Variants in SPAG16 observed in about 807,000 individuals in gnomAD.
SPAG16 encodes the protein sperm associated antigen 16.
SPAG16 carries 86 observed loss-of-function variants against 80.4 expected under a neutral mutation model. The ratio of observed to expected loss-of-function variants is 1.07; its 90% CI spans 0.90 to 1.28. The LOEUF is 1.28. Ranked by LOEUF, SPAG16 falls within the 50% of genes most tolerant of loss-of-function variation. The pLI, the probability that SPAG16 is intolerant of heterozygous loss-of-function variation, is 0.00. For missense variants in SPAG16, 870 were observed against 765.3 expected (o/e 1.14, Z -1.61); for synonymous variants, 294 against 265.9 (o/e 1.11, Z -1.03).
At chr2:213,978,952 G>C (rs1001036215) in intron 12 of SPAG16, among the ~76,000 whole-genome samples, 1 of 151,730 alleles carries the variant, frequency 6.6e-6, no homozygotes, top group Non-Finnish European at 1.5e-5. Context: ...GGCTTTCCTC[G>C]GGAAGTAATA....
rs1399215815 is a variant in SPAG16 at position 213,380,847 on chromosome 2, T to A, written c.942+5728T>A. On this transcript the variant is annotated intron_variant, in intron 9 of 15. Transcript: ENST00000331683. Reference sequence around the variant, plus strand: ...GCAGCCTGGACCTGTTTCAGAGCGTTCTCCTGTTCTGGACCTCACTCAAAA... The same window carrying A: ...GCAGCCTGGACCTGTTTCAGAGCGTACTCCTGTTCTGGACCTCACTCAAAA... Among the ~76,000 whole-genome samples the A allele has an allele frequency of 2.0e-5, 3 of 152,094 alleles. No homozygotes were observed. The East Asian group carries it at 5.8e-4, about 29-fold the overall frequency.
At chr2:214,220,336 G>A (rs1192890523) in intron 15 of SPAG16, among the ~76,000 whole-genome samples, 3 of 152,058 alleles carry the variant, frequency 2.0e-5, no homozygotes, top group African/African-American at 7.2e-5. Flanking sequence ...ACTTGTTTTG[G>A]ACTTCTGATT....
At chr2:213,679,642 GTGA>G (rs904134922) in intron 10 of SPAG16, among the ~76,000 whole-genome samples, 1 of 152,112 alleles carries the variant, frequency 6.6e-6, no homozygotes, top group Non-Finnish European at 1.5e-5. Context: ...CATTTTGTCT[GTGA>G]TGAAAATATT....
chr2:213,380,584 A>G (rs1052620943), intron 9 of SPAG16, among the ~76,000 whole-genome samples: 19 of 152,226 alleles, frequency 1.2e-4, no homozygotes, highest in Non-Finnish European at 2.6e-4. Flanking sequence ...GTCAGAAAGC[A>G]TCCAGTTCAC....
intron 12 of SPAG16, among the ~76,000 whole-genome samples, chr2:213,981,000 A>G (rs2045719703): frequency 6.6e-6 from 1 of 152,054 alleles, no homozygotes; most frequent in African/African-American, 2.4e-5. Context: ...ACAAAATACT[A>G]CAAACTGAGT....
chr2:213,307,756 G>A (rs1380973076), intron 3 of SPAG16, among the ~76,000 whole-genome samples: 4 of 152,038 alleles, frequency 2.6e-5, no homozygotes, highest in Admixed American at 6.6e-5. Flanking sequence ...CTGAGGAATC[G>A]CCACACTGAC....
At chr2:213,804,634 G>A (rs1252923478) in intron 10 of SPAG16, among the ~76,000 whole-genome samples, 1 of 152,206 alleles carries the variant, frequency 6.6e-6, no homozygotes, top group Non-Finnish European at 1.5e-5. Flanking sequence ...AGTGAGCCGA[G>A]ATCGCGCCAC....
chr2:213,893,031 C>T (rs1235374591), intron 11 of SPAG16, among the ~76,000 whole-genome samples: 1 of 151,918 alleles, frequency 6.6e-6, no homozygotes, highest in Non-Finnish European at 1.5e-5. Flanking sequence ...TCTCAAAAGT[C>T]AAGGACCAAG....
intron 12 of SPAG16, among the ~76,000 whole-genome samples, chr2:213,982,887 T>C (rs1489843566): frequency 6.6e-6 from 1 of 151,990 alleles, no homozygotes. Context: ...TCATAAAATA[T>C]AGTTTAATAG....
At chr2:214,091,884 C>T (rs1459854239) in intron 13 of SPAG16, among the ~76,000 whole-genome samples, 3 of 152,056 alleles carry the variant, frequency 2.0e-5, no homozygotes, top group African/African-American at 7.2e-5. Context: ...ATTAATCCAA[C>T]TGTACCTCCA....
chr2:213,941,713 A>G (rs1359085205), intron 12 of SPAG16, among the ~76,000 whole-genome samples: 1 of 152,200 alleles, frequency 6.6e-6, no homozygotes, highest in African/African-American at 2.4e-5. Context: ...TCTTATAAGT[A>G]CATGCTTTGT....
chr2:213,624,674 A>G (rs1328892528), intron 10 of SPAG16, among the ~76,000 whole-genome samples: 1 of 152,208 alleles, frequency 6.6e-6, no homozygotes, highest in Non-Finnish European at 1.5e-5. Context: ...TTTGACCACA[A>G]TACCTTGATG....
At chr2:213,789,008 G>A (rs968117152) in intron 10 of SPAG16, among the ~76,000 whole-genome samples, 5 of 151,782 alleles carry the variant, frequency 3.3e-5, no homozygotes, top group African/African-American at 9.7e-5. Flanking sequence ...GAGTCTGAAC[G>A]TTTTTCCTGT....
intron 15 of SPAG16, among the ~76,000 whole-genome samples, chr2:214,152,878 T>C (rs2056044426): frequency 6.6e-6 from 1 of 152,108 alleles, no homozygotes; most frequent in Non-Finnish European, 1.5e-5. Context: ...TTTCTGCATA[T>C]CAGAGACTTT....
intron 9 of SPAG16, among the ~76,000 whole-genome samples, chr2:213,430,780 T>A (rs1287738118): frequency 6.6e-6 from 1 of 152,134 alleles, no homozygotes; most frequent in East Asian, 1.9e-4. Context: ...ATATACTCAT[T>A]GGAATGTCTA....
At chr2:213,444,699 T>G (rs948254327) in intron 9 of SPAG16, among the ~76,000 whole-genome samples, 2 of 152,012 alleles carry the variant, frequency 1.3e-5, no homozygotes, top group Admixed American at 1.3e-4. Context: ...AGCAATTTTT[T>G]AAAAAATAGA....
At chr2:213,530,776 T>G (rs909705344) in intron 10 of SPAG16, among the ~76,000 whole-genome samples, 4 of 152,158 alleles carry the variant, frequency 2.6e-5, no homozygotes, top group African/African-American at 9.6e-5. Context: ...TCCTGTTAGT[T>G]GGATTTAAGG....
rs999520860 is a variant in SPAG16, at chr2:213,874,282, C to T, written c.1214+11654C>T. ...TCAATAATAAATCAACCTTAGCTTA[C>T]GTAACCTTTTACTTTATAAACTATT... On this transcript the variant is annotated intron_variant, in intron 11 of 15. Transcript: ENST00000331683. Among the ~76,000 whole-genome samples the T allele has an allele frequency of 1.4e-4, 22 of 152,192 alleles. 1 individual carries two copies. Among genetic ancestry groups the T allele is most frequent in the South Asian group, 4.1e-4 (2 of 4,826 alleles).
intron 15 of SPAG16, among the ~76,000 whole-genome samples, chr2:214,337,517 C>T (rs180789273): frequency 3.9e-5 from 6 of 152,298 alleles, no homozygotes; most frequent in African/African-American, 9.6e-5. Flanking sequence ...TTCAAATTAA[C>T]TTAGGAGTAC....
Sources: allele counts gnomAD v4.1 joint callset (sites outside exome capture counted in the v4.1 genomes callset), GRCh38; gene constraint gnomAD v4.1.1; transcripts MANE v1.5; gene names NCBI Gene and HGNC (gene_info 2026-07-23, HGNC 2026-07-21).